Variants in ICA1 observed in about 807,000 individuals in gnomAD.
The protein encoded by ICA1 is islet cell autoantigen 1, also known as 69 kDa islet cell autoantigen.
ICA1 carries 40 observed loss-of-function variants against 71.0 expected under a neutral mutation model. That is an observed-to-expected ratio of 0.56 (90% confidence interval 0.44 to 0.73). The LOEUF is 0.73. Ranked by LOEUF, ICA1 falls within the 30% of genes least tolerant of loss-of-function variation. The pLI is 0.00. For missense variants in ICA1, 578 were observed against 576.5 expected, an observed-to-expected ratio of 1.00 and a Z score of -0.03; for synonymous variants, 207 against 209.5, an observed-to-expected ratio of 0.99 and a Z score of 0.10.
intron 6 of ICA1, among the ~76,000 whole-genome samples, chr7:8,210,523 G>C (rs1270579979): frequency 1.3e-5 from 2 of 152,034 alleles, no homozygotes; most frequent in East Asian, 3.8e-4. Flanking sequence ...ACATCCAGTA[G>C]GAAAGGTACA....
chr7:8,196,000 CACCAA>C (rs1562948357), intron 6 of ICA1, among the ~76,000 whole-genome samples: 3 of 52,400 alleles, frequency 5.7e-5, no homozygotes, highest in Admixed American at 5.2e-4. Context: ...ACAACAACAA[CACCAA>C]CACCAACACC....
chr7:8,261,978 G>C (rs1184018820), intron 1 of ICA1, 116 bp downstream of exon 1: 2 of 152,330 alleles, frequency 1.3e-5, no homozygotes, highest in Non-Finnish European at 2.9e-5. Context: ...CGCCCGCGGA[G>C]GGCAGAGAAG....
At chr7:8,159,052 G>C (rs1479678973) in intron 6 of ICA1, among the ~76,000 whole-genome samples, 1 of 152,126 alleles carries the variant, frequency 6.6e-6, no homozygotes, top group East Asian at 1.9e-4. Flanking sequence ...TTCCCCTAGT[G>C]TTAACATCTT....
intron 8 of ICA1, among the ~76,000 whole-genome samples, chr7:8,152,843 TACCACCATCACCTCCTCCGCCACC>T (rs1562704623): frequency 1.4e-5 from 1 of 69,198 alleles, no homozygotes; most frequent in African/African-American, 6.3e-5. Flanking sequence ...CCCCCACCAC[TACCACCATCACCTCCTCCGCCACC>T]ATCACCATCA....
intron 8 of ICA1, among the ~76,000 whole-genome samples, chr7:8,148,190 A>G (rs1797683913): frequency 6.6e-6 from 1 of 152,230 alleles, no homozygotes; most frequent in Admixed American, 6.5e-5. Flanking sequence ...TCCTTCAAGT[A>G]TATAATCATA....
intron 1 of ICA1, among the ~76,000 whole-genome samples, chr7:8,260,065 G>A (rs140221692): frequency 1.3e-4 from 20 of 152,192 alleles, no homozygotes; most frequent in Admixed American, 4.6e-4. Context: ...CTCAACCAAC[G>A]AAGAGGAAAA....
At chr7:8,152,514 C>T (rs2128166183) in intron 8 of ICA1, among the ~76,000 whole-genome samples, 1 of 147,992 alleles carries the variant, frequency 6.8e-6, no homozygotes, top group South Asian at 2.1e-4. Context: ...ACCACCACTA[C>T]CACTCACCTC....
At chr7:8,115,083 C>G (rs957739551) in intron 13 of ICA1, 1 of 152,194 alleles carries the variant, frequency 6.6e-6, no homozygotes, top group Non-Finnish European at 1.5e-5. Context: ...CAAAATGGCA[C>G]TGAAATGCTA....
At chr7:8,155,929 GA>G (rs2128186243) in intron 8 of ICA1, among the ~76,000 whole-genome samples, 2 of 152,302 alleles carry the variant, frequency 1.3e-5, no homozygotes, top group African/African-American at 4.8e-5. Flanking sequence ...GGATACATAA[GA>G]AATAAAAGCT....
Position 8,178,442 on chromosome 7 carries a change from G to C in ICA1, c.580-19790C>G, listed in dbSNP as rs865884769. Among the ~76,000 whole-genome samples, 3 of 152,276 alleles carry C rather than the reference G, an allele frequency of 2.0e-5. No homozygotes were observed. The Middle Eastern group carries it at 0.01, about 518-fold the overall frequency. Reference sequence around the variant, plus strand: ...ATCTTGATTTTGTTGCCCCAGTACTGATAGTAGGTGCTAAAAATGCTAGTC... The same window carrying C: ...ATCTTGATTTTGTTGCCCCAGTACTCATAGTAGGTGCTAAAAATGCTAGTC... On this transcript the variant is annotated intron_variant, in intron 6 of 13. Transcript: ENST00000402384.
At chr7:8,216,923 C>T (rs148325854) in intron 6 of ICA1, among the ~76,000 whole-genome samples, 2 of 152,234 alleles carry the variant, frequency 1.3e-5, no homozygotes, top group Non-Finnish European at 2.9e-5. Context: ...CTCTGCCCTG[C>T]AGGCAATTTT....
chr7:8,193,678 A>G (rs985404223), intron 6 of ICA1, among the ~76,000 whole-genome samples: 3 of 152,344 alleles, frequency 2.0e-5, no homozygotes, highest in Admixed American at 6.5e-5. Flanking sequence ...TATCATACCG[A>G]AGTTAGAGTT....
intron 11 of ICA1, 29 bp from the exon 12 acceptor site, chr7:8,138,910 T>G: frequency 6.3e-7 from 1 of 1,598,054 alleles, no homozygotes; most frequent in African/African-American, 1.3e-5. Flanking sequence ...AAAACAAAAT[T>G]ATAAGTCAGT....
At position 8,126,977 on chromosome 7, in the gene ICA1, A is replaced by AT. The variant is rs35052494; in HGVS notation, c.1330+895dup. Among the ~76,000 whole-genome samples the AT allele has an allele frequency of 7.1e-3, 981 of 137,624 alleles. 4 individuals are homozygous for AT. Among genetic ancestry groups the AT allele is most frequent in the East Asian group, 0.029 (141 of 4,792 alleles). 90.3% of individuals were successfully genotyped at this position (137,624 alleles called of 152,430 possible). On this transcript the variant is annotated intron_variant, in intron 13 of 13. Transcript: ENST00000402384. Reference sequence around the variant, plus strand: ...TACTGATGTTGACAACCCCTCCAGCATTTTTTTTTTTTTTTCAGACAGAGT... The same window carrying AT: ...TACTGATGTTGACAACCCCTCCAGCATTTTTTTTTTTTTTTTCAGACAGAGT...
intron 2 of ICA1, among the ~76,000 whole-genome samples, chr7:8,235,500 C>T (rs966173483): frequency 3.9e-5 from 6 of 152,174 alleles, no homozygotes; most frequent in African/African-American, 1.2e-4. Flanking sequence ...TTAATAAGCA[C>T]GAGTCGTGTG....
At chr7:8,116,100 G>A (rs1784721929) in intron 13 of ICA1, 1 of 152,302 alleles carries the variant, frequency 6.6e-6, no homozygotes, top group Admixed American at 6.5e-5. Context: ...GGGATTATGC[G>A]AAATTCTCCA....
chr7:8,124,716 T>C (rs190682309), intron 13 of ICA1, among the ~76,000 whole-genome samples: 30 of 152,334 alleles, frequency 2.0e-4, no homozygotes, highest in Admixed American at 2.0e-3. Context: ...ATCATTTCAG[T>C]TCTGTAGGTA....
At chr7:8,211,866 G>C (rs1793899539) in intron 6 of ICA1, among the ~76,000 whole-genome samples, 1 of 152,118 alleles carries the variant, frequency 6.6e-6, no homozygotes, top group Non-Finnish European at 1.5e-5. Flanking sequence ...ACTCTGCCAT[G>C]GTATTGTGAA....
chr7:8,231,079 G>A, intron 3 of ICA1, among the ~76,000 whole-genome samples: 1 of 152,150 alleles, frequency 6.6e-6, no homozygotes, highest in East Asian at 1.9e-4. Context: ...GTGAGCAGGG[G>A]TGGGGTAGGT....
Sources: gnomAD v4.1 joint callset for allele counts (sites outside exome capture counted in the v4.1 genomes callset) on GRCh38, gnomAD v4.1.1 for gene constraint, MANE v1.5 for transcripts, NCBI Gene and HGNC (gene_info 2026-07-23, HGNC 2026-07-21) for gene names.